CNTNAP2: variants seen among roughly 807,000 people sequenced by gnomAD.
The protein encoded by CNTNAP2 is contactin associated protein 2, also known as contactin-associated protein-like 2.
CNTNAP2 carries 98 observed loss-of-function variants against 155.2 expected under a neutral mutation model. The ratio of observed to expected loss-of-function variants is 0.63; its 90% CI spans 0.54 to 0.75. The LOEUF is 0.75. Ranked by LOEUF, CNTNAP2 falls within the 30% of genes least tolerant of loss-of-function variation. CNTNAP2 has a pLI of 0.00. For synonymous variants in CNTNAP2, 651 were observed against 631.2 expected (o/e 1.03, Z -0.47); for missense variants, 1,727 against 1,688.1 (o/e 1.02, Z -0.40).
intron 3 of CNTNAP2, among the ~76,000 whole-genome samples, chr7:146,983,010 A>G (rs906843222): frequency 6.6e-6 from 1 of 152,200 alleles, no homozygotes; most frequent in Non-Finnish European, 1.5e-5. Flanking sequence ...ATTCATTGTT[A>G]AACCACAATA....
intron 12 of CNTNAP2, among the ~76,000 whole-genome samples, chr7:147,628,703 A>T (rs1795031211): frequency 1.3e-5 from 2 of 152,142 alleles, no homozygotes; most frequent in Admixed American, 1.3e-4. Context: ...AAAATCCACC[A>T]ACAAAATATC....
At chr7:147,735,136 C>T (rs1274326480) in intron 13 of CNTNAP2, among the ~76,000 whole-genome samples, 1 of 152,068 alleles carries the variant, frequency 6.6e-6, no homozygotes, top group Non-Finnish European at 1.5e-5. Flanking sequence ...TTAGATCTTT[C>T]CTGCTTTCTC....
At chr7:147,400,331 G>T in intron 10 of CNTNAP2, among the ~76,000 whole-genome samples, 1 of 152,104 alleles carries the variant, frequency 6.6e-6, no homozygotes, top group East Asian at 1.9e-4. Flanking sequence ...GTTGGTATTG[G>T]CTAGAATTCC....
At chr7:147,005,601 T>C (rs922987951) in intron 3 of CNTNAP2, among the ~76,000 whole-genome samples, 3 of 152,018 alleles carry the variant, frequency 2.0e-5, no homozygotes, top group African/African-American at 7.2e-5. Flanking sequence ...AAGAAGGATA[T>C]GGGCCAGGGT....
chr7:146,209,179 G>A (rs748775062), intron 1 of CNTNAP2, among the ~76,000 whole-genome samples: 1 of 152,112 alleles, frequency 6.6e-6, no homozygotes, highest in Non-Finnish European at 1.5e-5. Flanking sequence ...TAAAATCCAA[G>A]TAGAAAAGAC....
At chr7:148,350,910 G>T (rs1798414895) in intron 21 of CNTNAP2, among the ~76,000 whole-genome samples, 1 of 152,174 alleles carries the variant, frequency 6.6e-6, no homozygotes. Context: ...AAAAGAACTT[G>T]AAATGGGGAT....
At chr7:146,461,295 C>G (rs909658424) in intron 1 of CNTNAP2, among the ~76,000 whole-genome samples, 1 of 151,728 alleles carries the variant, frequency 6.6e-6, no homozygotes, top group African/African-American at 2.4e-5. Context: ...GTCCCAGTTA[C>G]TCAGGAGGCT....
intron 1 of CNTNAP2, among the ~76,000 whole-genome samples, chr7:146,734,584 A>G (rs947001845): frequency 2.0e-5 from 3 of 152,168 alleles, no homozygotes; most frequent in African/African-American, 4.8e-5. Context: ...AAATCAACAT[A>G]TCCTACATCA....
intron 2 of CNTNAP2, among the ~76,000 whole-genome samples, chr7:146,809,064 T>A (rs1197474050): frequency 1.3e-5 from 2 of 151,586 alleles, no homozygotes; most frequent in Non-Finnish European, 2.9e-5. Flanking sequence ...CTGATTTCAG[T>A]TTTTTTAGAT....
chr7:146,640,381 A>G (rs1342044503), intron 1 of CNTNAP2, among the ~76,000 whole-genome samples: 32 of 152,136 alleles, frequency 2.1e-4, no homozygotes, highest in Admixed American at 2.1e-3. Flanking sequence ...GTTGTTTGAT[A>G]ATGTGCACAC....
chr7:146,886,288 G>GA (rs1178432715), intron 3 of CNTNAP2, among the ~76,000 whole-genome samples: 1 of 147,694 alleles, frequency 6.8e-6, no homozygotes, highest in African/African-American at 2.5e-5. Flanking sequence ...AAAAAAAAAA[G>GA]AAAGAAATAT....
chr7:146,840,038 G>A, intron 3 of CNTNAP2, 134 bp downstream of exon 3: 1 of 1,070,948 alleles, frequency 9.3e-7, no homozygotes, highest in Non-Finnish European at 1.4e-6. Flanking sequence ...ATTCATCATT[G>A]TTGATGGAAG....
At chr7:147,045,468 T>G (rs1320607292) in intron 4 of CNTNAP2, among the ~76,000 whole-genome samples, 1 of 152,110 alleles carries the variant, frequency 6.6e-6, no homozygotes, top group Non-Finnish European at 1.5e-5. Flanking sequence ...AATAAAGGGG[T>G]CATGGAGGTC....
At chr7:146,770,748 A>G (rs1447188615) in intron 1 of CNTNAP2, among the ~76,000 whole-genome samples, 1 of 152,164 alleles carries the variant, frequency 6.6e-6, no homozygotes, top group Admixed American at 6.5e-5. Flanking sequence ...ACAGAAGCCA[A>G]TTTGTTTAAT....
chr7:147,715,310 G>C (rs1036649894), intron 13 of CNTNAP2, among the ~76,000 whole-genome samples: 1 of 152,058 alleles, frequency 6.6e-6, no homozygotes, highest in Non-Finnish European at 1.5e-5. Context: ...GAATGTATGA[G>C]TGATTCCGCT....
At chr7:146,609,356 A>G (rs1799098288) in intron 1 of CNTNAP2, among the ~76,000 whole-genome samples, 1 of 152,178 alleles carries the variant, frequency 6.6e-6, no homozygotes, top group South Asian at 2.1e-4. Flanking sequence ...TCCATCACAA[A>G]CAAATAGGAT....
At chr7:147,113,781 A>G (rs1292857827) in intron 5 of CNTNAP2, among the ~76,000 whole-genome samples, 1 of 152,032 alleles carries the variant, frequency 6.6e-6, no homozygotes, top group African/African-American at 2.4e-5. Flanking sequence ...GATTTTTTGA[A>G]GGATTTTTTT....
At chr7:147,923,745 G>A (rs1205895549) in intron 14 of CNTNAP2, among the ~76,000 whole-genome samples, 1 of 152,024 alleles carries the variant, frequency 6.6e-6, no homozygotes, top group Non-Finnish European at 1.5e-5. Flanking sequence ...TGCCCAGGCT[G>A]GTCTCAAAGT....
intron 13 of CNTNAP2, among the ~76,000 whole-genome samples, chr7:147,823,306 C>A (rs1018311754): frequency 6.6e-6 from 1 of 152,160 alleles, no homozygotes; most frequent in Non-Finnish European, 1.5e-5. Context: ...TTGTTAATGA[C>A]CGACCCAGTT....
Sources: gnomAD v4.1 joint callset for allele counts (sites outside exome capture counted in the v4.1 genomes callset) on GRCh38, gnomAD v4.1.1 for gene constraint, MANE v1.5 for transcripts, NCBI Gene and HGNC (gene_info 2026-07-23, HGNC 2026-07-21) for gene names.